The following PDE3B variants were observed in gnomAD, a reference collection of about 807,000 sequenced individuals.
PDE3B encodes the protein cGMP-inhibited 3',5'-cyclic phosphodiesterase 3B.
Under a neutral mutation model 116.8 loss-of-function variants are expected in PDE3B, and 66 were observed. The ratio of observed to expected loss-of-function variants is 0.56; its 90% confidence interval spans 0.46 to 0.69. The LOEUF is 0.69. Ranked by LOEUF, PDE3B falls within the 30% of genes least tolerant of loss-of-function variation. PDE3B has a pLI of 0.00. For missense variants in PDE3B, 1,384 were observed against 1,368.1 expected, an observed-to-expected ratio of 1.01 and a Z score of -0.18; for synonymous variants, 595 against 533.6, an observed-to-expected ratio of 1.12 and a Z score of -1.59.
chr11:14,668,172 A>T (rs1854242593), intron 1 of PDE3B, among the ~76,000 whole-genome samples: 1 of 152,140 alleles, frequency 6.6e-6, no homozygotes. Flanking sequence ...TTTCTGAGAC[A>T]GTATCGACGC....
chr11:14,823,256 A>G (rs955237417), intron 7 of PDE3B, among the ~76,000 whole-genome samples: 13 of 152,156 alleles, frequency 8.5e-5, no homozygotes, highest in Admixed American at 7.9e-4. Flanking sequence ...GAAAGCAGCT[A>G]GACTGCTTTT....
chr11:14,850,284 A>G (rs2133981368), intron 12 of PDE3B, among the ~76,000 whole-genome samples: 1 of 152,212 alleles, frequency 6.6e-6, no homozygotes, highest in African/African-American at 2.4e-5. Context: ...TAGGAATTGA[A>G]CAATGAGAAC....
intron 14 of PDE3B, among the ~76,000 whole-genome samples, chr11:14,862,746 G>A (rs184836636): frequency 2.0e-5 from 3 of 152,234 alleles, no homozygotes; most frequent in Admixed American, 6.5e-5. Flanking sequence ...GCTAATTTTT[G>A]TATTTTTAGT....
intron 1 of PDE3B, among the ~76,000 whole-genome samples, chr11:14,656,648 AC>A (rs1342581196): frequency 9.2e-5 from 14 of 152,208 alleles, no homozygotes; most frequent in Non-Finnish European, 1.9e-4. Context: ...TAATCACAGT[AC>A]CTATCTTATT....
chr11:14,782,614 A>T (rs1357613894), intron 2 of PDE3B, among the ~76,000 whole-genome samples: 1 of 152,216 alleles, frequency 6.6e-6, no homozygotes, highest in Non-Finnish European at 1.5e-5. Flanking sequence ...TTAATTCAAG[A>T]TGGATTAAAG....
intron 3 of PDE3B, among the ~76,000 whole-genome samples, chr11:14,787,736 CTATCTTA>C (rs1003908138): frequency 1.3e-5 from 2 of 151,724 alleles, no homozygotes; most frequent in Non-Finnish European, 3.0e-5. Context: ...TTTTAGCACT[CTATCTTA>C]TAAGAAAGAG....
intron 2 of PDE3B, among the ~76,000 whole-genome samples, chr11:14,783,373 T>C (rs1858088921): frequency 6.6e-6 from 1 of 152,162 alleles, no homozygotes; most frequent in South Asian, 2.1e-4. Context: ...TGTCCATCAG[T>C]GATAGACTGG....
Position 14,673,823 on chromosome 11 carries a change from T to C in PDE3B, c.978+28770T>C, listed in dbSNP as rs1590052048. 3.0e-6 allele frequency: 3 copies of C among 997,688 alleles called. No homozygotes were observed. In the East Asian group the frequency reaches 7.1e-5, roughly 24 times the overall value. 61.8% of individuals were successfully genotyped at this position (997,688 alleles called of 1,614,324 possible). A position where few individuals can be genotyped will look rare whatever the true frequency, so the allele number is the denominator to read the frequency against. ...GTGCCTTGGGGTGATCTGCAAGAAT[T>C]TCGGCATACTGTGGTCTCTCAAATT... On this transcript the variant is annotated intron_variant, in intron 1 of 15. Coordinates refer to ENST00000282096, the MANE Select transcript of PDE3B (RefSeq NM_000922.4).
At chr11:14,742,282 C>T (rs141521721) in intron 1 of PDE3B, among the ~76,000 whole-genome samples, 1 of 152,146 alleles carries the variant, frequency 6.6e-6, no homozygotes, top group East Asian at 1.9e-4. Flanking sequence ...AGGCTTTGTT[C>T]GTTCCTTTTC....
chr11:14,764,494 A>G (rs1399768750), intron 1 of PDE3B, among the ~76,000 whole-genome samples: 1 of 152,126 alleles, frequency 6.6e-6, no homozygotes, highest in Non-Finnish European at 1.5e-5. Flanking sequence ...GTGATGTTAC[A>G]TGTACTGCCA....
chr11:14,643,896 C>A lies in PDE3B; in HGVS notation c.-180C>A. 1 of 892,918 alleles carries A rather than the reference C, an allele frequency of 1.1e-6. No individual in the cohort carries two copies. Among genetic ancestry groups the A allele is most frequent in the Non-Finnish European group, 1.6e-6 (1 of 644,396 alleles). The allele number at this position is 892,918 out of a possible 1,614,324, so 55.3% of individuals were successfully genotyped here. ...GCCCCTCTCCTCAGCCAGCATGTCC[C>A]GGACTCCGCCGCTCCTCAGTCCGCG... On this transcript the variant is annotated 5_prime_UTR_variant, in exon 1 of 16. Transcript: ENST00000282096.
At chr11:14,807,325 T>G (rs1858970399) in intron 5 of PDE3B, among the ~76,000 whole-genome samples, 1 of 152,040 alleles carries the variant, frequency 6.6e-6, no homozygotes, top group Non-Finnish European at 1.5e-5. Context: ...TACATAAAAG[T>G]CAAATATATA....
chr11:14,649,489 C>G (rs576339335), intron 1 of PDE3B, among the ~76,000 whole-genome samples: 1 of 152,318 alleles, frequency 6.6e-6, no homozygotes, highest in Admixed American at 6.5e-5. Flanking sequence ...GTCTTTACTC[C>G]TAGTCCACTT....
the PDE3B span, among the ~76,000 whole-genome samples, chr11:14,892,569 G>A: frequency 2.0e-5 from 3 of 152,208 alleles, no homozygotes; most frequent in Non-Finnish European, 2.9e-5. Context: ...CTTTCTTAAA[G>A]TGTCTTTTTA....
intron 5 of PDE3B, among the ~76,000 whole-genome samples, chr11:14,809,076 C>T (rs557914089): frequency 6.6e-6 from 1 of 152,208 alleles, no homozygotes; most frequent in African/African-American, 2.4e-5. Context: ...AGAAAAAGTA[C>T]GAGGACTCCC....
chr11:14,725,279 CTTTCTTTCTT>C (rs1856254990), intron 1 of PDE3B, among the ~76,000 whole-genome samples: 4 of 150,620 alleles, frequency 2.7e-5, no homozygotes, highest in African/African-American at 9.8e-5. Flanking sequence ...CTTTCTTTTT[CTTTCTTTCTT>C]TTTCTTTCTT....
At chr11:14,667,111 A>ATGAGGAGT (rs1381112472) in intron 1 of PDE3B, among the ~76,000 whole-genome samples, 3 of 152,234 alleles carry the variant, frequency 2.0e-5, no homozygotes, top group African/African-American at 7.2e-5. Flanking sequence ...GCCGTAAAAA[A>ATGAGGAGT]TGAGGAGTTC....
At chr11:14,788,122 A>G (rs1858266627) in intron 3 of PDE3B, among the ~76,000 whole-genome samples, 1 of 151,920 alleles carries the variant, frequency 6.6e-6, no homozygotes, top group Non-Finnish European at 1.5e-5. Context: ...AGTAACCCTT[A>G]TTCCTTTTCT....
At chr11:14,702,456 G>T (rs1308718768) in intron 1 of PDE3B, among the ~76,000 whole-genome samples, 3 of 151,768 alleles carry the variant, frequency 2.0e-5, no homozygotes, top group Non-Finnish European at 4.4e-5. Context: ...TTTGGAAGGT[G>T]ATTCCAGGAA....
Sources: gnomAD v4.1 joint callset for allele counts (sites outside exome capture counted in the v4.1 genomes callset) on GRCh38, gnomAD v4.1.1 for gene constraint, MANE v1.5 for transcripts, NCBI Gene and HGNC (gene_info 2026-07-23, HGNC 2026-07-21) for gene names.